The following CYP26B1 variants were observed in gnomAD, a reference collection of about 807,000 sequenced individuals.
The protein encoded by CYP26B1 is cytochrome P450 family 26 subfamily B member 1, also known as cytochrome P450 26B1.
A neutral mutation model predicts 39.1 loss-of-function variants in CYP26B1; 8 were observed. That is an observed-to-expected ratio of 0.20 (90% CI 0.12 to 0.37). The LOEUF is 0.37. Ranked by LOEUF, CYP26B1 falls within the 10% of genes least tolerant of loss-of-function variation. The pLI is 1.00. For synonymous variants in CYP26B1, 321 were observed against 314.3 expected (o/e 1.02, Z -0.23); for missense variants, 615 against 707.0 (o/e 0.87, Z 1.48).
intron 2 of CYP26B1, among the ~76,000 whole-genome samples, chr2:72,137,428 C>G (rs1676809077): frequency 6.6e-6 from 1 of 152,236 alleles, no homozygotes. Flanking sequence ...CACCCACCTG[C>G]CCCTAAGCAG....
chr2:72,131,949 T>C lies in CYP26B1; in HGVS notation c.*278A>G, dbSNP rs1180729223. ...TGTAGCACGCGCTGACACCTAACACTGTCACGGGCATGCAGAGCCCCTGCC... is the reference window on the plus strand; with the variant it reads ...TGTAGCACGCGCTGACACCTAACACCGTCACGGGCATGCAGAGCCCCTGCC... On this transcript the variant is annotated 3_prime_UTR_variant, in exon 6 of 6. Transcript: ENST00000001146. The C allele has an allele frequency of 7.4e-6, 4 of 540,010 alleles. No homozygotes were observed. Among genetic ancestry groups the C allele is most frequent in the Non-Finnish European group, 1.3e-5 (4 of 298,866 alleles). 33.5% of individuals were successfully genotyped at this position (540,010 alleles called of 1,614,324 possible). A position where few individuals can be genotyped will look rare whatever the true frequency, so the allele number is the denominator to read the frequency against.
At chr2:72,133,703 G>C (rs1451628930) in intron 4 of CYP26B1, among the ~76,000 whole-genome samples, 2 of 152,212 alleles carry the variant, frequency 1.3e-5, no homozygotes, top group Admixed American at 1.3e-4. Flanking sequence ...GTGTATGTGT[G>C]GGGGATGTGA....
rs943721142 is a variant in CYP26B1 at position 72,132,282 on chromosome 2, G to A, written c.1484C>T (p.Ser495Phe). The part of the protein sequence containing the change: ...GLSVKFFGLD[S>F]NQNEILPETE... ...CTCCGGCAGGATCTCGTTCTGGTTGGAGTCCAGGCCAAAGAACTTGACGCT... is the reference window on the plus strand; with the variant it reads ...CTCCGGCAGGATCTCGTTCTGGTTGAAGTCCAGGCCAAAGAACTTGACGCT... Residue 495 changes from serine to phenylalanine, a missense_variant, in exon 6 of 6, where the codon TCC becomes TTC. Coordinates refer to ENST00000001146, the MANE Select transcript of CYP26B1 (RefSeq NM_019885.4). 1.9e-6 allele frequency: 3 copies of A among 1,605,672 alleles called. No individual in the cohort carries two copies. The highest frequency in any genetic ancestry group is 2.5e-6 in the Non-Finnish European group (3 of 1,176,490).
chr2:72,133,984 T>C (rs536658424), intron 4 of CYP26B1, among the ~76,000 whole-genome samples: 1 of 152,268 alleles, frequency 6.6e-6, no homozygotes, highest in South Asian at 2.1e-4. Flanking sequence ...ATTTTACAAA[T>C]GTGGACTCTG....
In CYP26B1 at chr2:72,133,116, C is replaced by T. The variant is rs925341853; in HGVS notation, c.1053G>A (p.Leu351=). ...CCTTGATGACGCAGTCCAGGTAGCGCAGCCCACTGAGCGTGTCCAGGCGCA... is the reference window on the plus strand; with the variant it reads ...CCTTGATGACGCAGTCCAGGTAGCGTAGCCCACTGAGCGTGTCCAGGCGCA... The part of the protein sequence containing the change: ...GTLRLDTLSG[L]RYLDCVIKEV... Residue 351 remains leucine, a synonymous_variant, in exon 5 of 6, where the codon CTG becomes CTA. Coordinates refer to ENST00000001146, the MANE Select transcript of CYP26B1 (RefSeq NM_019885.4). 3 of 1,613,136 alleles carry T rather than the reference C, an allele frequency of 1.9e-6. No individual in the cohort carries two copies. Among genetic ancestry groups the T allele is most frequent in the Non-Finnish European group, 2.5e-6 (3 of 1,179,986 alleles).
intron 2 of CYP26B1, among the ~76,000 whole-genome samples, chr2:72,137,240 A>G (rs1676803544): frequency 6.6e-6 from 1 of 152,150 alleles, no homozygotes; most frequent in East Asian, 1.9e-4. Flanking sequence ...GGTGGGCTCT[A>G]TGATGCAGTG....
chr2:72,145,888 A>T (rs183705619), intron 1 of CYP26B1, among the ~76,000 whole-genome samples: 1 of 152,288 alleles, frequency 6.6e-6, no homozygotes, highest in East Asian at 1.9e-4. Flanking sequence ...CTCTGTTTAG[A>T]TGGCGCTCGG....
At chr2:72,142,591 G>A (rs1207202875) in intron 2 of CYP26B1, among the ~76,000 whole-genome samples, 9 of 152,228 alleles carry the variant, frequency 5.9e-5, no homozygotes, top group Non-Finnish European at 1.5e-5. Context: ...TCAGGAAGCA[G>A]CCATCTCTTT....
chr2:72,132,202 T>C lies in CYP26B1; in HGVS notation c.*25A>G, dbSNP rs774130226. On this transcript the variant is annotated 3_prime_UTR_variant, in exon 6 of 6. Transcript: ENST00000001146. Reference sequence around the variant, plus strand: ...ACAACCACCACCCCGCTGCCTGGGCTGGGCTGAGGCGGGTGGGTCTTGGGT... The same window carrying C: ...ACAACCACCACCCCGCTGCCTGGGCCGGGCTGAGGCGGGTGGGTCTTGGGT... 1.3e-6 allele frequency: 2 copies of C among 1,592,034 alleles called. No homozygotes were observed. Among genetic ancestry groups the C allele is most frequent in the Non-Finnish European group, 1.7e-6 (2 of 1,170,342 alleles).
chr2:72,143,294 C>T (rs1677002641), intron 2 of CYP26B1, among the ~76,000 whole-genome samples: 1 of 152,162 alleles, frequency 6.6e-6, no homozygotes, highest in East Asian at 1.9e-4. Flanking sequence ...GGGGCCTGTC[C>T]CGTGCGCGCC....
chr2:72,145,390 T>A (rs1677094224), intron 1 of CYP26B1, among the ~76,000 whole-genome samples: 1 of 152,206 alleles, frequency 6.6e-6, no homozygotes, highest in Non-Finnish European at 1.5e-5. Context: ...GGGAACGAGC[T>A]GGGAGCGCCC....
chr2:72,137,663 T>C (rs1676817588), intron 2 of CYP26B1, among the ~76,000 whole-genome samples: 1 of 152,194 alleles, frequency 6.6e-6, no homozygotes, highest in African/African-American at 2.4e-5. Context: ...GATGGCTGGT[T>C]GAACTGCTCC....
chr2:72,147,545 G>GCGCCCCCTGGCCGGCCCGC lies in CYP26B1; in HGVS notation c.204+67_204+85dup, dbSNP rs1216546165. ...GGGGACCAGTGCCTTCAGGCTCCCGGCGCCCCCTGGCCGGCCCGCCGCTCC... is the reference window on the plus strand; with the variant it reads ...GGGGACCAGTGCCTTCAGGCTCCCGGCGCCCCCTGGCCGGCCCGCCGCCCCCTGGCCGGCCCGCCGCTCC... On this transcript the variant is annotated intron_variant, in intron 1 of 5. Transcript: ENST00000001146. This position sits in a 1 kb window ranked among gnomAD's most constrained non-coding sequence, Gnocchi z 6.1. The GCGCCCCCTGGCCGGCCCGC allele has an allele frequency of 7.3e-7, 1 of 1,367,592 alleles. No homozygotes were observed. Among genetic ancestry groups the GCGCCCCCTGGCCGGCCCGC allele is most frequent in the East Asian group, 2.8e-5 (1 of 35,546 alleles). The allele number at this position is 1,367,592 out of a possible 1,614,324, so 84.7% of individuals were successfully genotyped here.
Position 72,129,636 on chromosome 2 carries a change from T to C in CYP26B1, c.*2591A>G, listed in dbSNP as rs989296076. On this transcript the variant is annotated 3_prime_UTR_variant, in exon 6 of 6. Transcript: ENST00000001146. Reference sequence around the variant, plus strand: ...ATTTATGAAAAAAAAGGTTTGTGTATAAAATAATATTATAGCCATCTGGGC... The same window carrying C: ...ATTTATGAAAAAAAAGGTTTGTGTACAAAATAATATTATAGCCATCTGGGC... The C allele has an allele frequency of 1.3e-5, 2 of 152,276 alleles. No individual in the cohort carries two copies. Among genetic ancestry groups the C allele is most frequent in the African/African-American group, 4.8e-5 (2 of 41,336 alleles). The allele number at this position is 152,276 out of a possible 1,614,324, so 9.4% of individuals were successfully genotyped here. A position where few individuals can be genotyped will look rare whatever the true frequency, so the allele number is the denominator to read the frequency against.
In CYP26B1 at chr2:72,147,779, A is replaced by G. The variant is rs1341864609; in HGVS notation, c.56T>C (p.Leu19Pro). Reference sequence around the variant, plus strand: ...GGCCAGCAGCAGCGTCACGGACACCAGGCACGCGGCGAGGGTGGCCAGCGC... The same window carrying G: ...GGCCAGCAGCAGCGTCACGGACACCGGGCACGCGGCGAGGGTGGCCAGCGC... ...VSALATLAAC[L>P]VSVTLLLAVS... is the part of the protein sequence containing the mutation. The change falls in exon 1 of 6, where the codon CTG becomes CCG. Residue 19 changes from leucine (L) to proline (P), a missense_variant. Transcript: ENST00000001146. This position sits in a 1 kb window ranked among gnomAD's most constrained non-coding sequence, Gnocchi z 6.1. 4 of 1,570,856 alleles carry G rather than the reference A, an allele frequency of 2.5e-6. No homozygotes were observed. The highest frequency in any genetic ancestry group is 1.7e-6 in the Non-Finnish European group (2 of 1,159,216).
At chr2:72,141,278 G>T (rs978927210) in intron 2 of CYP26B1, among the ~76,000 whole-genome samples, 10 of 152,294 alleles carry the variant, frequency 6.6e-5, no homozygotes, top group Middle Eastern at 6.8e-3. Flanking sequence ...AAGGACACAG[G>T]CCTGGCTTCC....
chr2:72,130,983 A>C lies in CYP26B1; in HGVS notation c.*1244T>G, dbSNP rs1676554245. The C allele has an allele frequency of 6.5e-6, 1 of 152,756 alleles. No individual in the cohort carries two copies. The highest frequency in any genetic ancestry group is 1.5e-5 in the Non-Finnish European group (1 of 68,190). 9.5% of individuals were successfully genotyped at this position (152,756 alleles called of 1,614,324 possible). ...GTGGCATAGAGGTGGAAGGGACTTC[A>C]AGGACACCTTTTTCAGGGCGGAGGG... On this transcript the variant is annotated 3_prime_UTR_variant, in exon 6 of 6. Transcript: ENST00000001146.
rs774385232 is a variant in CYP26B1, at chr2:72,133,312, A to C, written c.862-5T>G. ...GATCAGCTCCAGGGTCCCGTCCTGC[A>C]GGGCACAGAGGAGAGGTGTTGTTGG... On this transcript the variant is annotated splice_region_variant and splice_polypyrimidine_tract_variant and intron_variant, in intron 4 of 5. Coordinates refer to ENST00000001146, the MANE Select transcript of CYP26B1 (RefSeq NM_019885.4). 1.3e-5 allele frequency: 21 copies of C among 1,600,592 alleles called. 1 individual carries two copies. The Admixed American group carries it at 3.5e-4, about 27-fold the overall frequency.
At chr2:72,146,191 TG>T (rs1459895500) in intron 1 of CYP26B1, among the ~76,000 whole-genome samples, 1 of 151,842 alleles carries the variant, frequency 6.6e-6, no homozygotes, top group Admixed American at 6.6e-5. Context: ...GGAAACGAAG[TG>T]GGGGTGGGTG....
Sources: allele counts gnomAD v4.1 joint callset (sites outside exome capture counted in the v4.1 genomes callset), GRCh38; gene constraint gnomAD v4.1.1; non-coding constraint Gnocchi (gnomAD v3.1); transcripts MANE v1.5; gene names NCBI Gene and HGNC (gene_info 2026-07-23, HGNC 2026-07-21).